Variants in SDK1 observed in about 807,000 individuals in gnomAD.
SDK1 encodes the protein protein sidekick-1.
In SDK1, 157 loss-of-function variants were observed where a neutral mutation model predicts 245.5. The observed-to-expected ratio is 0.64, with a 90% CI of 0.56 to 0.73. The LOEUF is 0.73. Among genes scored for constraint, SDK1 ranks in the 30% least tolerant of loss-of-function variants. The probability of loss-of-function intolerance (pLI) is 0.00; values close to 1 mark genes in which losing one functional copy is unlikely to be tolerated. For synonymous variants in SDK1, 1,647 were observed against 1,278.5 expected, an observed-to-expected ratio of 1.29 and a Z score of -6.15; for missense variants, 3,583 against 3,002.3, an observed-to-expected ratio of 1.19 and a Z score of -4.52.
intron 1 of SDK1, among the ~76,000 whole-genome samples, chr7:3,607,148 G>A (rs1023470074): frequency 6.6e-6 from 1 of 151,400 alleles, no homozygotes; most frequent in African/African-American, 2.4e-5. Flanking sequence ...ACAAAGGAAG[G>A]CCCTTTTTTT....
At chr7:3,983,711 A>G (rs1783597866) in intron 13 of SDK1, among the ~76,000 whole-genome samples, 2 of 152,216 alleles carry the variant, frequency 1.3e-5, no homozygotes, top group African/African-American at 2.4e-5. Flanking sequence ...GAAACAGGTG[A>G]TATTGAACAC....
chr7:3,915,342 A>G (rs1174930247), intron 5 of SDK1, among the ~76,000 whole-genome samples: 1 of 152,202 alleles, frequency 6.6e-6, no homozygotes, highest in South Asian at 2.1e-4. Flanking sequence ...TCCCCACCCA[A>G]ATCTCATCTT....
intron 30 of SDK1, among the ~76,000 whole-genome samples, chr7:4,156,767 TG>T: frequency 6.6e-6 from 1 of 152,200 alleles, no homozygotes; most frequent in Non-Finnish European, 1.5e-5. Flanking sequence ...TGATGGGGGC[TG>T]TGTGGGCCTC....
chr7:4,239,273 C>G (rs1423766303), intron 42 of SDK1, among the ~76,000 whole-genome samples: 2 of 152,168 alleles, frequency 1.3e-5, no homozygotes, highest in Non-Finnish European at 2.9e-5. Context: ...TGGAAGTTTC[C>G]AGAAGGCAGA....
At chr7:3,476,661 A>G (rs1277374416) in intron 1 of SDK1, among the ~76,000 whole-genome samples, 2 of 152,162 alleles carry the variant, frequency 1.3e-5, no homozygotes, top group Non-Finnish European at 2.9e-5. Context: ...GTATTTTTAT[A>G]TAGTTAATTT....
intron 4 of SDK1, among the ~76,000 whole-genome samples, chr7:3,682,440 C>T (rs12535699): frequency 0.82 from 124,295 of 151,554 alleles, 50,949 homozygotes; most frequent in Non-Finnish European, 0.85. Flanking sequence ...CATGCACTGT[C>T]GTCCTGGTAT....
intron 5 of SDK1, among the ~76,000 whole-genome samples, chr7:3,876,362 T>C (rs1215042006): frequency 6.6e-6 from 1 of 152,218 alleles, no homozygotes; most frequent in African/African-American, 2.4e-5. Flanking sequence ...ATGCTGCAGG[T>C]CCTGTTTTGA....
At chr7:3,570,812 AATGTT>A in intron 1 of SDK1, among the ~76,000 whole-genome samples, 2 of 149,836 alleles carry the variant, frequency 1.3e-5, no homozygotes, top group East Asian at 3.9e-4. Flanking sequence ...AGCACAAATT[AATGTT>A]CTTTGTTTTG....
At chr7:3,875,623 A>G (rs1285545231) in intron 5 of SDK1, among the ~76,000 whole-genome samples, 1 of 152,128 alleles carries the variant, frequency 6.6e-6, no homozygotes, top group Non-Finnish European at 1.5e-5. Context: ...GGTTCCACGG[A>G]ACCCTCCCAG....
At chr7:3,710,478 C>A (rs531728064) in intron 4 of SDK1, among the ~76,000 whole-genome samples, 3 of 152,300 alleles carry the variant, frequency 2.0e-5, no homozygotes, top group African/African-American at 7.2e-5. Context: ...TCATTAGGGA[C>A]ATTTCTACTT....
chr7:3,661,171 A>T (rs974266485), intron 4 of SDK1, among the ~76,000 whole-genome samples: 8 of 152,230 alleles, frequency 5.3e-5, no homozygotes, highest in African/African-American at 1.9e-4. Context: ...ATCCTGTATC[A>T]CACCAAGTAC....
intron 1 of SDK1, among the ~76,000 whole-genome samples, chr7:3,613,497 A>C (rs985650751): frequency 3.3e-5 from 5 of 152,114 alleles, no homozygotes; most frequent in Admixed American, 6.5e-5. Context: ...CAGGCATTCT[A>C]ACTGGTAGCT....
chr7:3,604,822 G>C (rs1781371208), intron 1 of SDK1, among the ~76,000 whole-genome samples: 1 of 151,612 alleles, frequency 6.6e-6, no homozygotes, highest in Admixed American at 6.6e-5. Flanking sequence ...GGCTGGTCTT[G>C]AACTCCCAAC....
chr7:3,326,904 T>A (rs948120890), intron 1 of SDK1, among the ~76,000 whole-genome samples: 4 of 152,126 alleles, frequency 2.6e-5, no homozygotes, highest in Admixed American at 1.3e-4. Context: ...GAGTATTTTT[T>A]AAATATACTT....
chr7:4,061,195 T>C (rs1169639883), intron 19 of SDK1, among the ~76,000 whole-genome samples: 1 of 152,100 alleles, frequency 6.6e-6, no homozygotes, highest in Non-Finnish European at 1.5e-5. Context: ...ATTGGTAGCT[T>C]GATGGGGATG....
chr7:3,323,413 G>A (rs1779866187), intron 1 of SDK1, among the ~76,000 whole-genome samples: 1 of 152,194 alleles, frequency 6.6e-6, no homozygotes. Context: ...AAGAAAATAT[G>A]TGGTAACATT....
chr7:4,142,569 C>T (rs1032857950), intron 28 of SDK1, among the ~76,000 whole-genome samples: 7 of 152,202 alleles, frequency 4.6e-5, no homozygotes, highest in East Asian at 1.9e-4. Flanking sequence ...CCTTGTGATC[C>T]GCCCACCTCG....
At chr7:3,370,974 G>A (rs1360810529) in intron 1 of SDK1, among the ~76,000 whole-genome samples, 2 of 152,110 alleles carry the variant, frequency 1.3e-5, no homozygotes, top group Non-Finnish European at 2.9e-5. Context: ...GGAGGCAGAG[G>A]GAGGTGCTAA....
intron 4 of SDK1, among the ~76,000 whole-genome samples, chr7:3,666,826 C>G (rs1783549692): frequency 6.6e-6 from 1 of 152,104 alleles, no homozygotes; most frequent in Non-Finnish European, 1.5e-5. Flanking sequence ...CTTCCTATCT[C>G]AGGTCTTGCA....
Sources: allele counts gnomAD v4.1 joint callset (sites outside exome capture counted in the v4.1 genomes callset), GRCh38; gene constraint gnomAD v4.1.1; transcripts MANE v1.5; gene names NCBI Gene and HGNC (gene_info 2026-07-23, HGNC 2026-07-21).